RASEF: variants seen among roughly 807,000 people sequenced by gnomAD.
The protein encoded by RASEF is RAS and EF-hand domain containing.
RASEF carries 68 observed loss-of-function variants against 90.1 expected under a neutral mutation model. That is an observed-to-expected ratio of 0.75 (90% CI 0.62 to 0.92). RASEF has a LOEUF of 0.92. Ranked by LOEUF, RASEF falls within the 40% of genes least tolerant of loss-of-function variation. The pLI, the probability that RASEF is intolerant of heterozygous loss-of-function variation, is 0.00. For missense variants in RASEF, 949 were observed against 937.2 expected (o/e 1.01, Z -0.16); for synonymous variants, 331 against 345.2 (o/e 0.96, Z 0.46).
the RASEF span, among the ~76,000 whole-genome samples, chr9:83,120,934 A>G: frequency 6.6e-6 from 1 of 152,194 alleles, no homozygotes; most frequent in Non-Finnish European, 1.5e-5. Flanking sequence ...ATGCACCTCT[A>G]TAGGCCAGGG....
chr9:83,197,327 T>TA, the RASEF span, among the ~76,000 whole-genome samples: 1 of 152,176 alleles, frequency 6.6e-6, no homozygotes, highest in Non-Finnish European at 1.5e-5. Flanking sequence ...AGTAAGAGGA[T>TA]ATTATAATGC....
At chr9:83,137,552 T>C in the RASEF span, among the ~76,000 whole-genome samples, 1 of 151,990 alleles carries the variant, frequency 6.6e-6, no homozygotes, top group Non-Finnish European at 1.5e-5. Flanking sequence ...CAATAATAGA[T>C]GGGTTCATGC....
At chr9:83,010,697 C>T (rs1829223834) in intron 5 of RASEF, among the ~76,000 whole-genome samples, 1 of 152,166 alleles carries the variant, frequency 6.6e-6, no homozygotes, top group African/African-American at 2.4e-5. Flanking sequence ...CTTTTTAAAA[C>T]TAAGTGGCTC....
At chr9:83,062,136 C>T (rs1830213159) in intron 1 of RASEF, among the ~76,000 whole-genome samples, 1 of 152,184 alleles carries the variant, frequency 6.6e-6, no homozygotes, top group Non-Finnish European at 1.5e-5. Flanking sequence ...GCGCGCGCGC[C>T]TAAACTCGCG....
chr9:83,023,816 T>C (rs1829486659), intron 2 of RASEF, among the ~76,000 whole-genome samples: 1 of 152,152 alleles, frequency 6.6e-6, no homozygotes, highest in African/African-American at 2.4e-5. Flanking sequence ...CCCACCTACT[T>C]CTTCTAGCTA....
chr9:83,019,765 T>C (rs1387066117), intron 3 of RASEF, among the ~76,000 whole-genome samples: 2 of 152,186 alleles, frequency 1.3e-5, no homozygotes, highest in African/African-American at 4.8e-5. Context: ...AAACTATTAA[T>C]TACACGGATA....
chr9:83,090,691 C>T, the RASEF span, among the ~76,000 whole-genome samples: 2 of 152,006 alleles, frequency 1.3e-5, no homozygotes, highest in Admixed American at 6.5e-5. Flanking sequence ...TGTCACTGCA[C>T]CTGGCCCATA....
chr9:83,164,347 G>GTGTGTATATATATATATATATATA, the RASEF span, among the ~76,000 whole-genome samples: 234 of 129,850 alleles, frequency 1.8e-3, 3 homozygotes, highest in South Asian at 2.8e-3. Flanking sequence ...GTATATGTGT[G>GTGTGTATATATATATATATATATA]TATATATATA....
At chr9:83,116,578 C>A in the RASEF span, among the ~76,000 whole-genome samples, 3 of 152,240 alleles carry the variant, frequency 2.0e-5, no homozygotes, top group Middle Eastern at 3.4e-3. Context: ...TAGTATTTAT[C>A]GAGCACATGC....
chr9:83,136,968 A>T, the RASEF span, among the ~76,000 whole-genome samples: 2 of 152,084 alleles, frequency 1.3e-5, no homozygotes. Context: ...AAAATGAAAA[A>T]GTTATTCTTC....
intron 1 of RASEF, among the ~76,000 whole-genome samples, chr9:83,036,618 T>TC (rs1264621742): frequency 4.6e-5 from 7 of 152,248 alleles, no homozygotes; most frequent in African/African-American, 1.4e-4. Flanking sequence ...GCATAACTGC[T>TC]CCAAATGGTT....
At chr9:83,104,053 A>C in the RASEF span, among the ~76,000 whole-genome samples, 4 of 152,194 alleles carry the variant, frequency 2.6e-5, no homozygotes, top group African/African-American at 9.7e-5. Flanking sequence ...TCAAGATGAC[A>C]TTTCTATCGG....
chr9:83,147,109 A>C, the RASEF span, among the ~76,000 whole-genome samples: 1 of 151,030 alleles, frequency 6.6e-6, no homozygotes, highest in South Asian at 2.1e-4. Context: ...GTAAACCCGG[A>C]TTAGAACATT....
chr9:83,105,670 CT>C, the RASEF span, among the ~76,000 whole-genome samples: 1 of 152,192 alleles, frequency 6.6e-6, no homozygotes, highest in African/African-American at 2.4e-5. Flanking sequence ...GGATCATGTG[CT>C]TGAAAATACA....
the RASEF span, among the ~76,000 whole-genome samples, chr9:83,070,286 T>C: frequency 6.6e-6 from 1 of 152,124 alleles, no homozygotes; most frequent in Non-Finnish European, 1.5e-5. Context: ...TGATACATTT[T>C]AAGTTAATTT....
the RASEF span, among the ~76,000 whole-genome samples, chr9:83,086,250 A>AC: frequency 6.6e-6 from 1 of 152,186 alleles, no homozygotes; most frequent in Non-Finnish European, 1.5e-5. Context: ...ATAAGATAAC[A>AC]AGAAGAAAAA....
the RASEF span, among the ~76,000 whole-genome samples, chr9:83,089,902 A>AT: frequency 4.3e-5 from 6 of 138,230 alleles, no homozygotes; most frequent in Non-Finnish European, 9.7e-5. Flanking sequence ...TGATAGATAG[A>AT]TAGATAGATA....
chr9:83,192,621 T>TG, the RASEF span, among the ~76,000 whole-genome samples: 1 of 151,920 alleles, frequency 6.6e-6, no homozygotes. Context: ...GCTTAGTACC[T>TG]GGGTGATAAA....
chr9:83,110,125 G>C, the RASEF span, among the ~76,000 whole-genome samples: 13 of 152,250 alleles, frequency 8.5e-5, no homozygotes, highest in African/African-American at 2.9e-4. Context: ...CATTATTAAA[G>C]CCTCAGAGCA....
Sources: allele counts gnomAD v4.1 joint callset (sites outside exome capture counted in the v4.1 genomes callset), GRCh38; gene constraint gnomAD v4.1.1; transcripts MANE v1.5; gene names NCBI Gene and HGNC (gene_info 2026-07-23, HGNC 2026-07-21).